SEMA5A: variants seen among roughly 807,000 people sequenced by gnomAD.
The protein encoded by SEMA5A is semaphorin 5A, also known as semaphorin-5A.
A neutral mutation model predicts 135.5 loss-of-function variants in SEMA5A; 55 were observed. That is an observed-to-expected ratio of 0.41 (90% confidence interval 0.33 to 0.51). The LOEUF (loss-of-function observed/expected upper bound fraction) is 0.51. Ranked by LOEUF, SEMA5A falls within the 20% of genes least tolerant of loss-of-function variation. The pLI is 0.37. For missense variants in SEMA5A, 1,290 were observed against 1,419.9 expected (o/e 0.91, Z 1.47); for synonymous variants, 580 against 546.5 (o/e 1.06, Z -0.85).
At chr5:9,119,808 T>C (rs1740711030) in intron 14 of SEMA5A, among the ~76,000 whole-genome samples, 1 of 152,132 alleles carries the variant, frequency 6.6e-6, no homozygotes, top group Admixed American at 6.5e-5. Context: ...TTTTCACAGA[T>C]TGACAGAGAC....
intron 12 of SEMA5A, among the ~76,000 whole-genome samples, chr5:9,151,352 A>G (rs985600603): frequency 6.6e-6 from 1 of 152,220 alleles, no homozygotes; most frequent in African/African-American, 2.4e-5. Flanking sequence ...TTCATTTATA[A>G]GACTGGTTTT....
intron 16 of SEMA5A, among the ~76,000 whole-genome samples, chr5:9,090,170 G>C (rs1738953222): frequency 6.6e-6 from 1 of 152,136 alleles, no homozygotes; most frequent in Non-Finnish European, 1.5e-5. Flanking sequence ...TTGAAATAGG[G>C]CTCTCTGTGC....
intron 8 of SEMA5A, among the ~76,000 whole-genome samples, chr5:9,221,504 GTGTTAGCCAGGA>G (rs1186380793): frequency 2.0e-5 from 3 of 150,650 alleles, no homozygotes; most frequent in Non-Finnish European, 3.0e-5. Flanking sequence ...GGGTTTCACA[GTGTTAGCCAGGA>G]TGGTCTCGAT....
At chr5:9,444,882 G>A (rs1758372857) in intron 1 of SEMA5A, among the ~76,000 whole-genome samples, 1 of 152,132 alleles carries the variant, frequency 6.6e-6, no homozygotes, top group African/African-American at 2.4e-5. Flanking sequence ...AATCTGTGCA[G>A]GACCCCAGCC....
At chr5:9,064,806 A>G (rs1306853171) in intron 17 of SEMA5A, among the ~76,000 whole-genome samples, 5 of 152,218 alleles carry the variant, frequency 3.3e-5, no homozygotes, top group African/African-American at 1.2e-4. Flanking sequence ...CTTTTCCTGA[A>G]AAGGATTCAT....
At chr5:9,088,625 G>A in intron 16 of SEMA5A, among the ~76,000 whole-genome samples, 1 of 99,956 alleles carries the variant, frequency 1.0e-5, no homozygotes, top group Middle Eastern at 5.2e-3. Flanking sequence ...GCAGCAGGAA[G>A]CCTACATTTA....
chr5:9,203,599 A>C (rs1745843346), intron 8 of SEMA5A, among the ~76,000 whole-genome samples: 1 of 152,322 alleles, frequency 6.6e-6, no homozygotes, highest in African/African-American at 2.4e-5. Flanking sequence ...TTCAATCAAT[A>C]CCTATATTCG....
chr5:9,227,598 T>G (rs1194470988), intron 6 of SEMA5A, among the ~76,000 whole-genome samples: 5 of 146,982 alleles, frequency 3.4e-5, no homozygotes, highest in African/African-American at 1.3e-4. Context: ...TCGCCCAGGC[T>G]GGAGTGCCGT....
intron 2 of SEMA5A, 163 bp from the exon 3 acceptor site, chr5:9,380,186 G>A (rs1027101573): frequency 5.8e-5 from 29 of 500,116 alleles, no homozygotes; most frequent in Middle Eastern, 5.3e-4. Flanking sequence ...ATCCCAGGTC[G>A]TGTGTGTGTA....
rs960930260 is a variant in SEMA5A at position 9,184,771 on chromosome 5, T to C, written c.1273+5496A>G. 3.3e-5 allele frequency among the ~76,000 whole-genome samples: 5 copies of C among 152,274 alleles called. No homozygotes were observed. In the East Asian group the frequency reaches 5.8e-4, roughly 18 times the overall value. On this transcript the variant is annotated intron_variant, in intron 11 of 22. Transcript: ENST00000382496. The stretch of plus-strand genomic sequence containing the variant: ...TGACTTTATTTACATTTCTCTCCCT[T>C]TTTTTTCCAAGCAAAGTAACTTTGT...
At chr5:9,503,383 G>A (rs566573184) in intron 1 of SEMA5A, among the ~76,000 whole-genome samples, 2 of 152,286 alleles carry the variant, frequency 1.3e-5, no homozygotes, top group African/African-American at 4.8e-5. Flanking sequence ...GGTTGCTGGG[G>A]AAAGCCTGTC....
intron 13 of SEMA5A, among the ~76,000 whole-genome samples, chr5:9,123,972 A>T (rs1405193587): frequency 6.6e-6 from 1 of 152,140 alleles, no homozygotes; most frequent in Non-Finnish European, 1.5e-5. Flanking sequence ...TTGAGTCTTA[A>T]AAAGTGAAGA....
chr5:9,137,629 C>T (rs1213980106), intron 12 of SEMA5A, among the ~76,000 whole-genome samples: 2 of 152,076 alleles, frequency 1.3e-5, no homozygotes, highest in Non-Finnish European at 2.9e-5. Context: ...CATGGAGGTG[C>T]CAATGACCCC....
intron 2 of SEMA5A, among the ~76,000 whole-genome samples, chr5:9,419,176 G>C (rs545774455): frequency 1.3e-5 from 2 of 152,098 alleles, no homozygotes; most frequent in Non-Finnish European, 2.9e-5. Context: ...TGTTTGTATA[G>C]TTTTGAGAGA....
chr5:9,247,114 A>G (rs1748522452), intron 5 of SEMA5A, among the ~76,000 whole-genome samples: 1 of 152,218 alleles, frequency 6.6e-6, no homozygotes, highest in African/African-American at 2.4e-5. Context: ...CATGAATGCA[A>G]ATGAAGGTGC....
chr5:9,162,551 T>A (rs1217473266), intron 11 of SEMA5A, among the ~76,000 whole-genome samples: 2 of 22,876 alleles, frequency 8.7e-5, no homozygotes, highest in African/African-American at 3.6e-4. Flanking sequence ...TGTGTATATA[T>A]GTGTGTGTGT....
intron 8 of SEMA5A, among the ~76,000 whole-genome samples, chr5:9,220,732 A>G (rs749256816): frequency 1.3e-5 from 2 of 152,180 alleles, no homozygotes; most frequent in African/African-American, 2.4e-5. Context: ...CTACCTAAGT[A>G]TGGTACAGCA....
At chr5:9,327,044 C>T (rs1373205389) in intron 4 of SEMA5A, among the ~76,000 whole-genome samples, 1 of 151,992 alleles carries the variant, frequency 6.6e-6, no homozygotes, top group Non-Finnish European at 1.5e-5. Context: ...TATAACTATC[C>T]TAAAAAATGT....
chr5:9,283,940 A>G (rs1750665727), intron 5 of SEMA5A, among the ~76,000 whole-genome samples: 1 of 152,210 alleles, frequency 6.6e-6, no homozygotes, highest in Non-Finnish European at 1.5e-5. Flanking sequence ...GGACTTAATC[A>G]CTGTACATCT....
Sources: gnomAD v4.1 joint callset for allele counts (sites outside exome capture counted in the v4.1 genomes callset) on GRCh38, gnomAD v4.1.1 for gene constraint, MANE v1.5 for transcripts, NCBI Gene and HGNC (gene_info 2026-07-23, HGNC 2026-07-21) for gene names.